Variants in HSD17B12 observed in about 807,000 individuals in gnomAD.
The protein encoded by HSD17B12 is hydroxysteroid 17-beta dehydrogenase 12.
A neutral mutation model predicts 39.3 loss-of-function variants in HSD17B12; 32 were observed. That is an observed-to-expected ratio of 0.81 (90% confidence interval 0.61 to 1.09). The LOEUF is 1.09. Ranked by LOEUF, HSD17B12 falls within the 50% of genes least tolerant of loss-of-function variation. The pLI is 0.00. For synonymous variants in HSD17B12, 150 were observed against 146.7 expected (o/e 1.02, Z -0.16); for missense variants, 342 against 382.9 (o/e 0.89, Z 0.89).
chr11:43,816,664 G>T (rs1203459029), intron 6 of HSD17B12, among the ~76,000 whole-genome samples: 1 of 151,618 alleles, frequency 6.6e-6, no homozygotes, highest in African/African-American at 2.4e-5. Context: ...GTGGTGTTTG[G>T]TTACATGAGT....
chr11:43,634,104 A>AAAAAAAAAAAAAAAAAAAAC, the HSD17B12 span, among the ~76,000 whole-genome samples: 1 of 136,888 alleles, frequency 7.3e-6, no homozygotes, highest in Non-Finnish European at 1.6e-5. Context: ...AAAAAAAAAA[A>AAAAAAAAAAAAAAAAAAAAC]AAAAAGAAAG....
At chr11:43,642,572 T>G in the HSD17B12 span, among the ~76,000 whole-genome samples, 9 of 151,744 alleles carry the variant, frequency 5.9e-5, no homozygotes, top group Non-Finnish European at 1.2e-4. Flanking sequence ...GCCTTTCTTA[T>G]GAATCATCAT....
At chr11:43,841,188 T>C (rs1474033855) in intron 9 of HSD17B12, among the ~76,000 whole-genome samples, 1 of 152,176 alleles carries the variant, frequency 6.6e-6, no homozygotes, top group Non-Finnish European at 1.5e-5. Context: ...TTTGAAGAAA[T>C]GTCTATTCCA....
chr11:43,627,627 G>T, the HSD17B12 span, among the ~76,000 whole-genome samples: 4 of 151,782 alleles, frequency 2.6e-5, no homozygotes, highest in Non-Finnish European at 5.9e-5. Context: ...GCTTTCTTTA[G>T]ATTTTGATTG....
chr11:43,595,525 G>T, the HSD17B12 span, among the ~76,000 whole-genome samples: 1 of 152,220 alleles, frequency 6.6e-6, no homozygotes, highest in African/African-American at 2.4e-5. Context: ...ACTAGTCAGT[G>T]TTAGATGTAA....
the HSD17B12 span, among the ~76,000 whole-genome samples, chr11:43,668,042 C>T: frequency 6.6e-6 from 1 of 152,052 alleles, no homozygotes. Flanking sequence ...GGCTAGGGAC[C>T]AGAGCATGAT....
chr11:43,758,650 CA>C (rs1950531939), intron 3 of HSD17B12, among the ~76,000 whole-genome samples: 1 of 152,164 alleles, frequency 6.6e-6, no homozygotes, highest in South Asian at 2.1e-4. Flanking sequence ...TGTGAGCTGA[CA>C]GTTTAGTGAT....
intron 3 of HSD17B12, among the ~76,000 whole-genome samples, chr11:43,766,606 G>A (rs749578341): frequency 6.6e-6 from 1 of 152,110 alleles, no homozygotes; most frequent in Non-Finnish European, 1.5e-5. Context: ...ATAAATGTTT[G>A]GTCTACATCA....
chr11:43,834,368 AT>A (rs11338478), intron 7 of HSD17B12, among the ~76,000 whole-genome samples: 90,452 of 146,958 alleles, frequency 0.62, 28,101 homozygotes, highest in East Asian at 0.7. Context: ...TTGGGATGGA[AT>A]TTTTTTTTTT....
At chr11:43,599,558 TCCTCTC>T in the HSD17B12 span, among the ~76,000 whole-genome samples, 1 of 152,208 alleles carries the variant, frequency 6.6e-6, no homozygotes, top group Non-Finnish European at 1.5e-5. Context: ...TTTTTCCTGA[TCCTCTC>T]CCTCCTTCTG....
At chr11:43,688,177 G>A (rs1488337106) in intron 1 of HSD17B12, among the ~76,000 whole-genome samples, 4 of 151,588 alleles carry the variant, frequency 2.6e-5, no homozygotes, top group African/African-American at 7.3e-5. Flanking sequence ...GCACCACTGC[G>A]CTCCAGAGTG....
chr11:43,682,442 T>C (rs900413078), intron 1 of HSD17B12, among the ~76,000 whole-genome samples: 1 of 150,558 alleles, frequency 6.6e-6, no homozygotes, highest in Admixed American at 6.7e-5. Context: ...TCCCAGAGGC[T>C]GAGGCAAGAG....
chr11:43,607,279 AGTGT>A, the HSD17B12 span, among the ~76,000 whole-genome samples: 54,676 of 145,132 alleles, frequency 0.38, 10,616 homozygotes, highest in East Asian at 0.66. Flanking sequence ...TGTGCTCCTG[AGTGT>A]GTGTGTGTGT....
intron 3 of HSD17B12, among the ~76,000 whole-genome samples, chr11:43,795,378 A>AT (rs1950907373): frequency 6.6e-6 from 1 of 152,080 alleles, no homozygotes; most frequent in African/African-American, 2.4e-5. Context: ...TTCTTATTCA[A>AT]TTGCCTTGGC....
At chr11:43,809,945 A>G (rs1855455033) in intron 4 of HSD17B12, among the ~76,000 whole-genome samples, 1 of 152,206 alleles carries the variant, frequency 6.6e-6, no homozygotes, top group South Asian at 2.1e-4. Context: ...CCTTTGATAC[A>G]ATGAGAAGGA....
chr11:43,600,387 T>A, the HSD17B12 span, among the ~76,000 whole-genome samples: 5 of 152,246 alleles, frequency 3.3e-5, no homozygotes, highest in African/African-American at 4.8e-5. Context: ...CTGCCTTTTT[T>A]AAAAATAGGG....
At chr11:43,782,204 A>C (rs1211133399) in intron 3 of HSD17B12, among the ~76,000 whole-genome samples, 1 of 152,234 alleles carries the variant, frequency 6.6e-6, no homozygotes, top group Non-Finnish European at 1.5e-5. Context: ...AAATAAAGCT[A>C]TCTCTTCTCA....
chr11:43,844,236 T>C (rs183373023), intron 9 of HSD17B12, among the ~76,000 whole-genome samples: 30 of 152,344 alleles, frequency 2.0e-4, no homozygotes, highest in Non-Finnish European at 3.7e-4. Context: ...TCTAGATTGT[T>C]TCAGATTACT....
the HSD17B12 span, among the ~76,000 whole-genome samples, chr11:43,572,981 A>T: frequency 6.6e-6 from 1 of 152,212 alleles, no homozygotes; most frequent in African/African-American, 2.4e-5. Flanking sequence ...GGGAGGAGAC[A>T]GTCGACGCAG....
Sources: allele counts gnomAD v4.1 joint callset (sites outside exome capture counted in the v4.1 genomes callset), GRCh38; gene constraint gnomAD v4.1.1; transcripts MANE v1.5; gene names NCBI Gene and HGNC (gene_info 2026-07-23, HGNC 2026-07-21).